The following ZMYM1 variants were observed in gnomAD, a reference collection of about 807,000 sequenced individuals.
ZMYM1 encodes the protein zinc finger MYM-type protein 1.
Under a neutral mutation model 60.0 loss-of-function variants are expected in ZMYM1, and 39 were observed. That is an observed-to-expected ratio of 0.65 (90% CI 0.50 to 0.85). The LOEUF (loss-of-function observed/expected upper bound fraction) is 0.85. ZMYM1 is among the 40% of genes least tolerant of loss of function. ZMYM1 has a pLI of 0.00. For missense variants in ZMYM1, 1,171 were observed against 1,309.5 expected, an observed-to-expected ratio of 0.89 and a Z score of 1.63; for synonymous variants, 413 against 454.0, an observed-to-expected ratio of 0.91 and a Z score of 1.15.
Position 35,110,207 on chromosome 1 carries a change from C to T in ZMYM1, c.808-87C>T. 3.0e-6 allele frequency: 3 copies of T among 1,008,684 alleles called. No individual in the cohort carries two copies. The African/African-American group carries it at 5.0e-5, about 17-fold the overall frequency. The allele number at this position is 1,008,684 out of a possible 1,614,324, so 62.5% of individuals were successfully genotyped here. A position where few individuals can be genotyped will look rare whatever the true frequency, so the allele number is the denominator to read the frequency against. On this transcript the variant is annotated intron_variant, in intron 6 of 9. Coordinates refer to ENST00000359858, the MANE Select transcript of ZMYM1 (RefSeq NM_024772.5). ...CTTAATTGTTATTCTTTTTAATATTCCAACTAAAAGCAGTGGTAATAGGTT... is the reference window on the plus strand; with the variant it reads ...CTTAATTGTTATTCTTTTTAATATTTCAACTAAAAGCAGTGGTAATAGGTT...
intron 1 of ZMYM1, among the ~76,000 whole-genome samples, chr1:35,088,448 ATATATATGTGTGTGTGTGTGTG>A (rs1341324808): frequency 2.6e-5 from 3 of 113,696 alleles, no homozygotes; most frequent in East Asian, 2.5e-4. Flanking sequence ...ATATATATAT[ATATATATGTGTGTGTGTGTGTG>A]TGTGTGTGTG....
Position 35,110,400 on chromosome 1 carries a change from T to G in ZMYM1, c.914T>G (p.Ile305Ser), listed in dbSNP as rs1644047757. The G allele has an allele frequency of 1.3e-6, 2 of 1,583,312 alleles. No individual in the cohort carries two copies. Among genetic ancestry groups the G allele is most frequent in the East Asian group, 4.7e-5 (2 of 42,810 alleles). Residue 305 changes from isoleucine to serine, a missense_variant, in exon 7 of 10, where the codon ATT (isoleucine) becomes AGT (serine). Physicochemically the swap from Ile to Ser is moderately radical, Grantham distance 142. Coordinates refer to ENST00000359858, the MANE Select transcript of ZMYM1 (RefSeq NM_024772.5). ...GGGAAGACAGAGCTTTTCTGCTCTA[T>G]TAATTGTTTCTCTGCATACAGTAAA... ...DLGKTELFCS[I>S]NCFSAYSKAK... is the part of the protein sequence containing the mutation.
chr1:35,100,213 A>G (rs1643569084), intron 4 of ZMYM1, among the ~76,000 whole-genome samples: 1 of 152,044 alleles, frequency 6.6e-6, no homozygotes, highest in African/African-American at 2.4e-5. Flanking sequence ...ACTTTTTAAG[A>G]TTTCTTTTAT....
chr1:35,093,918 C>G lies in ZMYM1; in HGVS notation c.-70C>G. Reference sequence around the variant, plus strand: ...TTTATCAATATTTTATTTTAGGAATCTGGAAACTGTTCTTCAGGAAGAAAC... The same window carrying G: ...TTTATCAATATTTTATTTTAGGAATGTGGAAACTGTTCTTCAGGAAGAAAC... On this transcript the variant is annotated 5_prime_UTR_variant, in exon 2 of 10. The change creates a new upstream start codon in the 5' untranslated region. Coordinates refer to ENST00000359858, the MANE Select transcript of ZMYM1 (RefSeq NM_024772.5). 1 of 1,075,144 alleles carries G rather than the reference C, an allele frequency of 9.3e-7. No homozygotes were observed. The highest frequency in any genetic ancestry group is 1.3e-6 in the Non-Finnish European group (1 of 749,404). 66.6% of individuals were successfully genotyped at this position (1,075,144 alleles called of 1,614,324 possible). A position where few individuals can be genotyped will look rare whatever the true frequency, so the allele number is the denominator to read the frequency against.
At chr1:35,091,958 C>T (rs186651908) in intron 1 of ZMYM1, among the ~76,000 whole-genome samples, 13 of 151,562 alleles carry the variant, frequency 8.6e-5, no homozygotes, top group African/African-American at 3.1e-4. Flanking sequence ...TGGAGTCTCG[C>T]TCTGTCTCCC....
At chr1:35,105,295 G>A (rs539633139) in intron 6 of ZMYM1, among the ~76,000 whole-genome samples, 94 of 150,058 alleles carry the variant, frequency 6.3e-4, no homozygotes, top group African/African-American at 2.3e-3. Context: ...CCACCACCAC[G>A]CCTGGCTAAT....
intron 1 of ZMYM1, among the ~76,000 whole-genome samples, chr1:35,069,116 G>A (rs1442005919): frequency 6.6e-6 from 1 of 152,200 alleles, no homozygotes; most frequent in African/African-American, 2.4e-5. Context: ...TTACAGGCAT[G>A]AGCCACCGCA....
chr1:35,116,538 A>C (rs897898189), downstream of ZMYM1, among the ~76,000 whole-genome samples: 1 of 152,054 alleles, frequency 6.6e-6, no homozygotes, highest in African/African-American at 2.4e-5. Context: ...GCTCACTGCA[A>C]CCTCCGCCTC....
At chr1:35,097,266 T>C in intron 3 of ZMYM1, 51 bp from the exon 4 acceptor site, 1 of 1,534,994 alleles carries the variant, frequency 6.5e-7, no homozygotes, top group Non-Finnish European at 8.7e-7. Flanking sequence ...GAATGCCTAC[T>C]TAATTTTGTG....
Position 35,115,236 on chromosome 1 carries a change from A to C in ZMYM1, c.3406A>C (p.Ile1136Leu), listed in dbSNP as rs200770792. 1.4e-5 allele frequency: 22 copies of C among 1,595,070 alleles called. No homozygotes were observed. The highest frequency in any genetic ancestry group is 1.8e-5 in the Non-Finnish European group (21 of 1,174,154). ...ACTCAATGAAATTGTGGAAAAGTTT[A>C]TCAGTCAGATGAAAGAAATATAATA... ...ERLNEIVEKF[I>L]SQMKEI Residue 1136 changes from isoleucine (I) to leucine (L), a missense_variant, in exon 10 of 10, where the codon ATC becomes CTC. Transcript: ENST00000359858.
intron 6 of ZMYM1, among the ~76,000 whole-genome samples, chr1:35,105,854 G>A (rs1643876592): frequency 6.6e-6 from 1 of 152,136 alleles, no homozygotes; most frequent in African/African-American, 2.4e-5. Flanking sequence ...TGATCCTCCT[G>A]CCTTGGTCTC....
At chr1:35,095,925 C>T in intron 3 of ZMYM1, 34 bp downstream of exon 3, 1 of 1,430,292 alleles carries the variant, frequency 7.0e-7, no homozygotes, top group Non-Finnish European at 9.8e-7. Flanking sequence ...TATGTTTATT[C>T]AGACCAATAC....
chr1:35,092,369 A>G (rs192996929), intron 1 of ZMYM1, among the ~76,000 whole-genome samples: 1 of 150,480 alleles, frequency 6.6e-6, no homozygotes, highest in Non-Finnish European at 1.5e-5. Context: ...AGTAGCTGAG[A>G]TCACAGGCAC....
chr1:35,094,692 T>C (rs1300962969), intron 2 of ZMYM1, among the ~76,000 whole-genome samples: 1 of 152,000 alleles, frequency 6.6e-6, no homozygotes, highest in African/African-American at 2.4e-5. Flanking sequence ...CTATAAAAAA[T>C]ACAAAAATTA....
At position 35,104,729 on chromosome 1, in the gene ZMYM1, ATTACT is replaced by A. The variant is rs1249926727; in HGVS notation, c.771_775del (p.Tyr257Ter). The A allele has an allele frequency of 1.2e-6, 2 of 1,614,188 alleles. No individual in the cohort carries two copies. On this transcript the variant is annotated frameshift_variant, in exon 6 of 10. Transcript: ENST00000359858. LOFTEE classifies it high-confidence loss of function. Reference sequence around the variant, plus strand: ...ATACTTCAGATGGAAGGACAGTCTCATTACTTTAATAGTTCAAAGAGTATTACAGC... The same window carrying A: ...ATACTTCAGATGGAAGGACAGTCTCATTAATAGTTCAAAGAGTATTACAGC...
upstream of ZMYM1, among the ~76,000 whole-genome samples, chr1:35,076,192 T>A (rs115314443): frequency 5.6e-4 from 85 of 152,252 alleles, no homozygotes; most frequent in African/African-American, 1.9e-3. Context: ...CCATTCCCCA[T>A]CAACGCTCTA....
intron 2 of ZMYM1, among the ~76,000 whole-genome samples, chr1:35,094,809 A>G (rs1025531452): frequency 7.9e-5 from 12 of 152,208 alleles, no homozygotes; most frequent in African/African-American, 2.9e-4. Context: ...TGATTGTGCC[A>G]TTGCACTCCA....
intron 2 of ZMYM1, among the ~76,000 whole-genome samples, chr1:35,094,321 A>G (rs1643191690): frequency 6.6e-6 from 1 of 152,226 alleles, no homozygotes; most frequent in South Asian, 2.1e-4. Flanking sequence ...AGGATTGTTT[A>G]GGGTGTTGTG....
intron 1 of ZMYM1, among the ~76,000 whole-genome samples, chr1:35,069,633 G>A (rs1394528568): frequency 6.6e-6 from 1 of 152,022 alleles, no homozygotes; most frequent in African/African-American, 2.4e-5. Context: ...CTGTGCTTTT[G>A]AGGACTTATT....
Sources: allele counts gnomAD v4.1 joint callset (sites outside exome capture counted in the v4.1 genomes callset), GRCh38; gene constraint gnomAD v4.1.1; transcripts MANE v1.5; gene names NCBI Gene and HGNC (gene_info 2026-07-23, HGNC 2026-07-21).